Variants in TENM3 observed in about 807,000 individuals in gnomAD.
The protein encoded by TENM3 is teneurin transmembrane protein 3, also known as teneurin-3.
A neutral mutation model predicts 255.1 loss-of-function variants in TENM3; 63 were observed. The observed-to-expected ratio is 0.25, with a 90% CI of 0.20 to 0.30. The LOEUF is 0.30. Among genes scored for constraint, TENM3 ranks in the 10% least tolerant of loss-of-function variants. The pLI is 1.00. For missense variants in TENM3, 2,929 were observed against 3,461.1 expected (o/e 0.85, Z 3.86); for synonymous variants, 1,306 against 1,322.3 (o/e 0.99, Z 0.27).
chr4:182,277,563 G>A (rs1373663344), intron 1 of TENM3, among the ~76,000 whole-genome samples: 2 of 152,112 alleles, frequency 1.3e-5, no homozygotes, highest in Non-Finnish European at 2.9e-5. Context: ...TATTTTTATA[G>A]CTACTCTTCA....
chr4:182,775,674 C>T (rs561982375), intron 24 of TENM3, among the ~76,000 whole-genome samples: 1 of 152,264 alleles, frequency 6.6e-6, no homozygotes, highest in African/African-American at 2.4e-5. Flanking sequence ...CACGTGTGCA[C>T]ACAGCGTCAC....
intron 1 of TENM3, among the ~76,000 whole-genome samples, chr4:182,160,348 T>A (rs552277032): frequency 2.0e-5 from 3 of 152,310 alleles, no homozygotes; most frequent in African/African-American, 7.2e-5. Flanking sequence ...GTTACCTTTT[T>A]CCACATTACG....
intron 1 of TENM3, among the ~76,000 whole-genome samples, chr4:182,208,293 A>G (rs1754722161): frequency 2.0e-5 from 3 of 152,224 alleles, no homozygotes; most frequent in Non-Finnish European, 4.4e-5. Context: ...GTCAGTTTCT[A>G]TGAATATGCT....
chr4:181,726,302 C>G, the TENM3 span, among the ~76,000 whole-genome samples: 2 of 152,118 alleles, frequency 1.3e-5, no homozygotes, highest in Non-Finnish European at 2.9e-5. Context: ...TCTTTCCTAC[C>G]ATGTAGAAAT....
Position 182,802,966 on chromosome 4 carries a change from C to G in TENM3, c.*2615C>G, listed in dbSNP as rs1767072058. On this transcript the variant is annotated 3_prime_UTR_variant, in exon 28 of 28. Coordinates refer to ENST00000511685, the MANE Select transcript of TENM3 (RefSeq NM_001080477.4). ...TAACTTTATATGTGACCTGAATTTTCCATAACTTGATGACTATAGATTGCA... is the reference window on the plus strand; with the variant it reads ...TAACTTTATATGTGACCTGAATTTTGCATAACTTGATGACTATAGATTGCA... 6.6e-6 allele frequency: 1 copy of G among 152,556 alleles called. No homozygotes were observed. Among genetic ancestry groups the G allele is most frequent in the Non-Finnish European group, 1.5e-5 (1 of 68,010 alleles). 9.5% of individuals were successfully genotyped at this position (152,556 alleles called of 1,614,324 possible). A position where few individuals can be genotyped will look rare whatever the true frequency, so the allele number is the denominator to read the frequency against.
intron 4 of TENM3, among the ~76,000 whole-genome samples, chr4:182,622,498 G>A (rs1354902150): frequency 6.6e-6 from 1 of 152,192 alleles, no homozygotes; most frequent in African/African-American, 2.4e-5. Flanking sequence ...CTCTCACGTA[G>A]TAGATATTCA....
intron 3 of TENM3, among the ~76,000 whole-genome samples, chr4:182,521,253 A>G (rs1738542249): frequency 6.6e-6 from 1 of 152,228 alleles, no homozygotes; most frequent in African/African-American, 2.4e-5. Flanking sequence ...TCTTCAGAGA[A>G]GCAACTTGAT....
chr4:182,555,043 A>G (rs537609800), intron 3 of TENM3, among the ~76,000 whole-genome samples: 1 of 152,322 alleles, frequency 6.6e-6, no homozygotes, highest in South Asian at 2.1e-4. Context: ...TTCCAAAAAA[A>G]GAAATCAGTG....
chr4:182,650,881 T>TAAAAAA (rs1230977965), intron 5 of TENM3, among the ~76,000 whole-genome samples: 41 of 60,206 alleles, frequency 6.8e-4, no homozygotes, highest in South Asian at 1.2e-3. Flanking sequence ...TTTTCTGTAA[T>TAAAAAA]AAAAAAAAAT....
intron 16 of TENM3, among the ~76,000 whole-genome samples, chr4:182,735,958 C>A (rs1329791891): frequency 3.9e-5 from 6 of 152,088 alleles, no homozygotes; most frequent in Admixed American, 3.9e-4. Flanking sequence ...AATTCTTATG[C>A]ACATAATTAT....
the TENM3 span, among the ~76,000 whole-genome samples, chr4:181,921,009 A>G: frequency 3.4e-4 from 52 of 151,886 alleles, no homozygotes; most frequent in African/African-American, 1.1e-3. Context: ...CCCATTGCTT[A>G]TTTTTCTCAG....
chr4:182,334,895 T>G (rs1764000504), intron 2 of TENM3, among the ~76,000 whole-genome samples: 1 of 152,122 alleles, frequency 6.6e-6, no homozygotes, highest in African/African-American at 2.4e-5. Context: ...AGCAGAAAGC[T>G]TCAGCTTAAA....
intron 5 of TENM3, among the ~76,000 whole-genome samples, chr4:182,632,099 A>G (rs1751423626): frequency 6.6e-6 from 1 of 152,214 alleles, no homozygotes; most frequent in African/African-American, 2.4e-5. Context: ...ATATTGTCCC[A>G]TGTACATATA....
At chr4:182,195,237 C>T (rs1386385856) in intron 1 of TENM3, among the ~76,000 whole-genome samples, 2 of 152,120 alleles carry the variant, frequency 1.3e-5, no homozygotes, top group East Asian at 1.9e-4. Context: ...GCCCCCAAAA[C>T]GTGCCTGTTA....
rs544826766 is a variant in TENM3 at position 182,728,358 on chromosome 4, C to T, written c.2369-607C>T. On this transcript the variant is annotated intron_variant, in intron 13 of 27. Transcript: ENST00000511685. ...TAGAATATTTGAGTAGCTTTACTTACAACTAATCCATATTCCTTCATACTC... is the reference window on the plus strand; with the variant it reads ...TAGAATATTTGAGTAGCTTTACTTATAACTAATCCATATTCCTTCATACTC... Among the ~76,000 whole-genome samples the T allele has an allele frequency of 3.3e-5, 5 of 152,310 alleles. No individual in the cohort carries two copies. The South Asian group carries it at 1.0e-3, about 32-fold the overall frequency.
rs149064085 is a variant in TENM3 at position 182,295,787 on chromosome 4, G to C, written c.-75-28159G>C. On this transcript the variant is annotated intron_variant, in intron 1 of 27. Coordinates refer to ENST00000511685, the MANE Select transcript of TENM3 (RefSeq NM_001080477.4). ...TCTTAATGTTTTGCTTCATGGAAAA[G>C]ATGAGTTTGACATCTGGATAACGCA... Among the ~76,000 whole-genome samples the C allele has an allele frequency of 3.3e-3, 497 of 152,194 alleles. 2 individuals carry two copies. The highest frequency in any genetic ancestry group is 0.011 in the African/African-American group (470 of 41,532).
chr4:181,973,906 C>T, the TENM3 span, among the ~76,000 whole-genome samples: 1 of 152,120 alleles, frequency 6.6e-6, no homozygotes. Flanking sequence ...TTGGAGAAAA[C>T]AGCAACAACA....
intron 3 of TENM3, among the ~76,000 whole-genome samples, chr4:182,424,308 G>A (rs1424145377): frequency 1.3e-5 from 2 of 152,068 alleles, no homozygotes; most frequent in Admixed American, 1.3e-4. Flanking sequence ...ATAAATTTGA[G>A]CATTAAAGTA....
chr4:182,308,526 G>A lies in TENM3; in HGVS notation c.-75-15420G>A, dbSNP rs138294948. Among the ~76,000 whole-genome samples the A allele has an allele frequency of 5.7e-4, 87 of 152,210 alleles. 1 individual carries two copies. The highest frequency in any genetic ancestry group is 1.9e-3 in the African/African-American group (77 of 41,524). On this transcript the variant is annotated intron_variant, in intron 1 of 27. Transcript: ENST00000511685. ...AAAACAAAAAAACTTGTTTTGTAGAGATGGGATCTCACTATATTGCCCACG... is the reference window on the plus strand; with the variant it reads ...AAAACAAAAAAACTTGTTTTGTAGAAATGGGATCTCACTATATTGCCCACG...
Sources: allele counts gnomAD v4.1 joint callset (sites outside exome capture counted in the v4.1 genomes callset), GRCh38; gene constraint gnomAD v4.1.1; transcripts MANE v1.5; gene names NCBI Gene and HGNC (gene_info 2026-07-23, HGNC 2026-07-21).